The following LRRC38 variants were observed in gnomAD, a reference collection of about 807,000 sequenced individuals.
LRRC38 encodes the protein leucine rich repeat containing 38, also known as leucine-rich repeat-containing protein 38.
A neutral mutation model predicts 16.4 loss-of-function variants in LRRC38; 5 were observed. The observed-to-expected ratio is 0.31, with a 90% CI of 0.16 to 0.64. The LOEUF (loss-of-function observed/expected upper bound fraction) is 0.64, where lower values mean the gene tolerates loss of function less well. Among genes scored for constraint, LRRC38 ranks in the 30% least tolerant of loss-of-function variants. The probability of loss-of-function intolerance (pLI) is 0.80; values close to 1 mark genes in which losing one functional copy is unlikely to be tolerated. For missense variants in LRRC38, 341 were observed against 401.8 expected, an observed-to-expected ratio of 0.85 and a Z score of 1.29; for synonymous variants, 191 against 190.2, an observed-to-expected ratio of 1.00 and a Z score of -0.04.
intron 1 of LRRC38, among the ~76,000 whole-genome samples, chr1:13,500,352 C>T (rs1416914313): frequency 2.0e-5 from 3 of 152,088 alleles, no homozygotes; most frequent in Non-Finnish European, 2.9e-5. Flanking sequence ...GTGGACAAAG[C>T]GCAGGAAGAA....
chr1:13,492,312 T>A (rs1441465231), intron 1 of LRRC38, among the ~76,000 whole-genome samples: 1 of 152,222 alleles, frequency 6.6e-6, no homozygotes, highest in African/African-American at 2.4e-5. Flanking sequence ...TAAGGCTGCA[T>A]AATAATCCAT....
chr1:13,500,314 TCACA>T (rs1639133712), intron 1 of LRRC38, among the ~76,000 whole-genome samples: 1 of 151,394 alleles, frequency 6.6e-6, no homozygotes, highest in Non-Finnish European at 1.5e-5. Context: ...CATACCTCCC[TCACA>T]ATTTGCCCAC....
chr1:13,500,019 G>A (rs1639127522), intron 1 of LRRC38, among the ~76,000 whole-genome samples: 1 of 152,110 alleles, frequency 6.6e-6, no homozygotes, highest in Non-Finnish European at 1.5e-5. Flanking sequence ...GGGAGGCCGA[G>A]GCAGGCAGAT....
chr1:13,493,643 G>A (rs1199463247), intron 1 of LRRC38, among the ~76,000 whole-genome samples: 4 of 152,212 alleles, frequency 2.6e-5, no homozygotes, highest in African/African-American at 9.7e-5. Flanking sequence ...GAGGCAGGCA[G>A]GTCAGAGCAG....
intron 1 of LRRC38, among the ~76,000 whole-genome samples, chr1:13,477,952 G>A (rs1022334453): frequency 1.3e-5 from 2 of 152,202 alleles, no homozygotes; most frequent in African/African-American, 4.8e-5. Flanking sequence ...TAAAGTCCCT[G>A]ATGGTTAAGT....
In LRRC38 at chr1:13,475,560, AAG is replaced by A. The variant is rs1176455024; in HGVS notation, c.*284_*285del. On this transcript the variant is annotated 3_prime_UTR_variant, in exon 2 of 2. Transcript: ENST00000376085. This position sits in a 1 kb window ranked among gnomAD's most constrained non-coding sequence, Gnocchi z 4.3. ...GGGAGGCTTTTAGTCATCAGCTATG[AAG>A]CCTGACTCGGTCATCTTCTCCCCCA... The A allele has an allele frequency of 2.6e-6, 1 of 385,170 alleles. No homozygotes were observed. Among genetic ancestry groups the A allele is most frequent in the Non-Finnish European group, 4.8e-6 (1 of 209,214 alleles). The allele number at this position is 385,170 out of a possible 1,614,324, so 23.9% of individuals were successfully genotyped here. A position where few individuals can be genotyped will look rare whatever the true frequency, so the allele number is the denominator to read the frequency against.
chr1:13,494,054 C>T (rs1269839214), intron 1 of LRRC38, among the ~76,000 whole-genome samples: 1 of 152,218 alleles, frequency 6.6e-6, no homozygotes, highest in Admixed American at 6.5e-5. Flanking sequence ...GAGAGGGAGA[C>T]TCTGTCTCAA....
intron 1 of LRRC38, among the ~76,000 whole-genome samples, chr1:13,495,765 C>T: frequency 6.6e-6 from 1 of 152,068 alleles, no homozygotes; most frequent in Admixed American, 6.6e-5. Context: ...ATTTTCAGAG[C>T]CCTAATGCGG....
chr1:13,482,533 T>C (rs1202752772), intron 1 of LRRC38, among the ~76,000 whole-genome samples: 1 of 150,630 alleles, frequency 6.6e-6, no homozygotes, highest in Admixed American at 6.6e-5. Flanking sequence ...TGAGCCAAGA[T>C]TACGCCACTG....
At chr1:13,507,377 C>T (rs867187717) in intron 1 of LRRC38, among the ~76,000 whole-genome samples, 4 of 152,218 alleles carry the variant, frequency 2.6e-5, no homozygotes, top group South Asian at 4.1e-4. Context: ...GCATGAAAAC[C>T]GAGACTTCAG....
rs1428400913 is a variant in LRRC38 at position 13,488,412 on chromosome 1, C to T, written c.632-12313G>A. On this transcript the variant is annotated intron_variant, in intron 1 of 1. Transcript: ENST00000376085. The stretch of plus-strand genomic sequence containing the variant: ...TCAGCCTCCTGAGCAGCTGGAATTA[C>T]AGGCACTTGCCACCATGCCTGGCTA... Among the ~76,000 whole-genome samples, 4 of 152,074 alleles carry T rather than the reference C, an allele frequency of 2.6e-5. No individual in the cohort carries two copies. In the East Asian group the frequency reaches 5.8e-4, roughly 22 times the overall value.
intron 1 of LRRC38, among the ~76,000 whole-genome samples, chr1:13,486,032 G>A (rs1449819213): frequency 2.6e-5 from 4 of 152,034 alleles, no homozygotes; most frequent in Non-Finnish European, 5.9e-5. Flanking sequence ...TCTGCCTCCC[G>A]GGTTCAAGCG....
At position 13,487,631 on chromosome 1, in the gene LRRC38, C is replaced by G. The variant is rs1638951732; in HGVS notation, c.632-11532G>C. 6.6e-6 allele frequency among the ~76,000 whole-genome samples: 1 copy of G among 152,242 alleles called. No individual in the cohort carries two copies. The highest frequency in any genetic ancestry group is 2.4e-5 in the African/African-American group (1 of 41,472). On this transcript the variant is annotated intron_variant, in intron 1 of 1. Coordinates refer to ENST00000376085, the MANE Select transcript of LRRC38 (RefSeq NM_001010847.2). The surrounding 1 kb of genome is among the most constrained non-coding windows in gnomAD (Gnocchi z 4.4). The stretch of plus-strand genomic sequence containing the variant: ...CCGTGGCCTGCCCGTCACCACCTGT[C>G]TGGGCTCCCTCCCCTTGAGTGATGA...
chr1:13,477,018 T>A (rs924001392), intron 1 of LRRC38, among the ~76,000 whole-genome samples: 3 of 152,024 alleles, frequency 2.0e-5, no homozygotes, highest in African/African-American at 4.8e-5. Flanking sequence ...GGCACAAGAA[T>A]CACTTGAACC....
At chr1:13,494,854 T>C (rs1639062947) in intron 1 of LRRC38, among the ~76,000 whole-genome samples, 1 of 152,264 alleles carries the variant, frequency 6.6e-6, no homozygotes, top group African/African-American at 2.4e-5. Flanking sequence ...TCTTCTGGAA[T>C]GTTGGCTCCA....
intron 1 of LRRC38, among the ~76,000 whole-genome samples, chr1:13,508,353 C>CA (rs1375331175): frequency 6.6e-6 from 1 of 152,098 alleles, no homozygotes; most frequent in African/African-American, 2.4e-5. Context: ...TGCCTACATA[C>CA]AAAAAATAAA....
chr1:13,494,140 A>T (rs71629830), intron 1 of LRRC38, among the ~76,000 whole-genome samples: 8,593 of 152,286 alleles, frequency 0.056, 395 homozygotes, highest in East Asian at 0.15. Context: ...AAGCCCCTAC[A>T]ACATGATAGT....
intron 1 of LRRC38, among the ~76,000 whole-genome samples, chr1:13,493,621 C>T (rs1639044212): frequency 6.6e-6 from 1 of 151,990 alleles, no homozygotes; most frequent in African/African-American, 2.4e-5. Context: ...TCACAAGGGT[C>T]CTTATAAAAG....
intron 1 of LRRC38, among the ~76,000 whole-genome samples, chr1:13,505,336 CACA>C (rs1639200004): frequency 1.3e-5 from 2 of 152,226 alleles, no homozygotes; most frequent in South Asian, 4.1e-4. Flanking sequence ...TGACCAAGAT[CACA>C]ACAACCCAAC....
Sources: allele counts gnomAD v4.1 joint callset (sites outside exome capture counted in the v4.1 genomes callset), GRCh38; gene constraint gnomAD v4.1.1; non-coding constraint Gnocchi (gnomAD v3.1); transcripts MANE v1.5; gene names NCBI Gene and HGNC (gene_info 2026-07-23, HGNC 2026-07-21).